The following PARD6G variants were observed in gnomAD, a reference collection of about 807,000 sequenced individuals.
PARD6G encodes the protein partitioning defective 6 homolog gamma.
Under a neutral mutation model 10.7 loss-of-function variants are expected in PARD6G, and 7 were observed. The ratio of observed to expected loss-of-function variants is 0.66; its 90% CI spans 0.37 to 1.23. The LOEUF (loss-of-function observed/expected upper bound fraction) is 1.23. Among genes scored for constraint, PARD6G ranks in the 50% most tolerant of loss-of-function variants. The pLI is 0.02. For synonymous variants in PARD6G, 287 were observed against 269.4 expected, an observed-to-expected ratio of 1.07 and a Z score of -0.64; for missense variants, 548 against 571.8, an observed-to-expected ratio of 0.96 and a Z score of 0.42.
chr18:80,198,118 G>C (rs1423707404), intron 2 of PARD6G, among the ~76,000 whole-genome samples: 1 of 152,198 alleles, frequency 6.6e-6, no homozygotes, highest in Non-Finnish European at 1.5e-5. Context: ...ATGCCATGTA[G>C]TCGTTGAGAG....
chr18:80,179,135 C>T (rs1264278471), intron 2 of PARD6G, among the ~76,000 whole-genome samples: 3 of 152,190 alleles, frequency 2.0e-5, no homozygotes, highest in South Asian at 2.1e-4. Context: ...CTGGTGAGCA[C>T]CAGAAGCCGG....
At position 80,157,456 on chromosome 18, in the gene PARD6G, A is replaced by C. The variant is rs1286940321; in HGVS notation, c.*2315T>G. 6.6e-6 allele frequency: 1 copy of C among 152,238 alleles called. No homozygotes were observed. Among genetic ancestry groups the C allele is most frequent in the Non-Finnish European group, 1.5e-5 (1 of 68,042 alleles). The allele number at this position is 152,238 out of a possible 1,614,324, so 9.4% of individuals were successfully genotyped here. On this transcript the variant is annotated 3_prime_UTR_variant, in exon 3 of 3. Transcript: ENST00000353265. Reference sequence around the variant, plus strand: ...AGCCTCATTTCTTAAAAAAAAACTCACATTTGCTTAACAACTTAAAATGTG... The same window carrying C: ...AGCCTCATTTCTTAAAAAAAAACTCCCATTTGCTTAACAACTTAAAATGTG...
At position 80,180,072 on chromosome 18, in the gene PARD6G, G is replaced by T. The variant is rs554573754; in HGVS notation, c.296-19466C>A. On this transcript the variant is annotated intron_variant, in intron 2 of 2. Coordinates refer to ENST00000353265, the MANE Select transcript of PARD6G (RefSeq NM_032510.4). The surrounding 1 kb of genome is among the most constrained non-coding windows in gnomAD (Gnocchi z 5.6). Reference sequence around the variant, plus strand: ...CGAAAGTTCAGTGGTCTGCAGAGAGGAGAGGAAAGGGGAAGCTGAATGTCC... The same window carrying T: ...CGAAAGTTCAGTGGTCTGCAGAGAGTAGAGGAAAGGGGAAGCTGAATGTCC... Among the ~76,000 whole-genome samples the T allele has an allele frequency of 6.6e-6, 1 of 152,244 alleles. No homozygotes were observed. Among genetic ancestry groups the T allele is most frequent in the Non-Finnish European group, 1.5e-5 (1 of 68,042 alleles).
intron 1 of PARD6G, among the ~76,000 whole-genome samples, chr18:80,203,929 C>CGACAT (rs1468431623): frequency 2.0e-5 from 3 of 152,116 alleles, no homozygotes; most frequent in African/African-American, 4.8e-5. Context: ...TTCCTAAAGG[C>CGACAT]GACATGTACA....
At chr18:80,177,506 G>GCACACATGCATACGTGCA (rs2052820612) in intron 2 of PARD6G, among the ~76,000 whole-genome samples, 1 of 135,674 alleles carries the variant, frequency 7.4e-6, no homozygotes, top group African/African-American at 2.8e-5. Context: ...CAAATGGGAA[G>GCACACATGCATACGTGCA]CACACATGCA....
At chr18:80,163,941 A>G (rs991466269) in intron 2 of PARD6G, among the ~76,000 whole-genome samples, 1 of 152,228 alleles carries the variant, frequency 6.6e-6, no homozygotes, top group Non-Finnish European at 1.5e-5. Context: ...GCAACATGGC[A>G]GCAGCTCCTT....
rs144090350 is a variant in PARD6G at position 80,181,690 on chromosome 18, A to T, written c.295+21020T>A. 1.3e-3 allele frequency among the ~76,000 whole-genome samples: 200 copies of T among 151,962 alleles called. 1 individual carries two copies. The highest frequency in any genetic ancestry group is 4.6e-3 in the African/African-American group (189 of 41,414). On this transcript the variant is annotated intron_variant, in intron 2 of 2. Coordinates refer to ENST00000353265, the MANE Select transcript of PARD6G (RefSeq NM_032510.4). The surrounding 1 kb of genome is among the most constrained non-coding windows in gnomAD (Gnocchi z 7.9). ...GGGGAAGAGCTTCTCTCTGCTGCCA[A>T]CCTGGAGCCTGGCCCTTCCCTCCTT... is the stretch of plus-strand genomic sequence containing the variant.
intron 1 of PARD6G, among the ~76,000 whole-genome samples, chr18:80,232,483 T>G (rs1011601131): frequency 1.3e-5 from 2 of 152,118 alleles, no homozygotes; most frequent in Non-Finnish European, 2.9e-5. Context: ...TGAAAGGCAC[T>G]TCTTACATGG....
At chr18:80,243,054 G>A (rs1478732415) in intron 1 of PARD6G, among the ~76,000 whole-genome samples, 1 of 152,072 alleles carries the variant, frequency 6.6e-6, no homozygotes, top group Admixed American at 6.5e-5. Context: ...TCACTTCCAG[G>A]AATTTGTTCT....
intron 2 of PARD6G, among the ~76,000 whole-genome samples, chr18:80,195,544 GATACATATATAT>G (rs1259033812): frequency 1.3e-4 from 3 of 23,686 alleles, no homozygotes; most frequent in African/African-American, 1.8e-4. Flanking sequence ...AGTCTTCAAA[GATACATATATAT>G]ATATATATAT....
Position 80,180,736 on chromosome 18 carries a change from G to A in PARD6G, c.296-20130C>T, listed in dbSNP as rs1327616082. Among the ~76,000 whole-genome samples, 2 of 152,080 alleles carry A rather than the reference G, an allele frequency of 1.3e-5. No homozygotes were observed. Among genetic ancestry groups the A allele is most frequent in the African/African-American group, 2.4e-5 (1 of 41,416 alleles). On this transcript the variant is annotated intron_variant, in intron 2 of 2. Coordinates refer to ENST00000353265, the MANE Select transcript of PARD6G (RefSeq NM_032510.4). The surrounding 1 kb of genome is among the most constrained non-coding windows in gnomAD (Gnocchi z 5.6). ...CTCATACAAGCTTTGTCAGGGGGCC[G>A]GACGTCCACCTGCAGGCCCAGCCCT...
At position 80,200,261 on chromosome 18, in the gene PARD6G, CT is replaced by C. The variant is rs1393253118; in HGVS notation, c.295+2448del. ...GATTATGAAACATCAGCACAGATTACTATGCAGGGAGGGTGCCTGACTGTGC... is the reference window on the plus strand; with the variant it reads ...GATTATGAAACATCAGCACAGATTACATGCAGGGAGGGTGCCTGACTGTGC... On this transcript the variant is annotated intron_variant, in intron 2 of 2. Coordinates refer to ENST00000353265, the MANE Select transcript of PARD6G (RefSeq NM_032510.4). The surrounding 1 kb of genome is among the most constrained non-coding windows in gnomAD (Gnocchi z 4.4). Among the ~76,000 whole-genome samples the C allele has an allele frequency of 3.3e-5, 5 of 152,290 alleles. No individual in the cohort carries two copies. Among genetic ancestry groups the C allele is most frequent in the East Asian group, 1.9e-4 (1 of 5,180 alleles).
chr18:80,164,398 T>C (rs1289492692), intron 2 of PARD6G, among the ~76,000 whole-genome samples: 1 of 152,214 alleles, frequency 6.6e-6, no homozygotes, highest in African/African-American at 2.4e-5. Context: ...GTTGCCTCTG[T>C]GATGTGCTCT....
rs1345386238 is a variant in PARD6G, at chr18:80,159,460, C to CAA, written c.*309_*310dup. 7.0e-6 allele frequency: 2 copies of CAA among 287,308 alleles called. No individual in the cohort carries two copies. Among genetic ancestry groups the CAA allele is most frequent in the Non-Finnish European group, 1.3e-5 (2 of 157,852 alleles). The allele number at this position is 287,308 out of a possible 1,614,324, so 17.8% of individuals were successfully genotyped here. On this transcript the variant is annotated 3_prime_UTR_variant, in exon 3 of 3. Coordinates refer to ENST00000353265, the MANE Select transcript of PARD6G (RefSeq NM_032510.4). ...TAATTTTAAAGCTTCACTTTAAAAACAAAGTATTTGTAAAAATTTTAAAAA... is the reference window on the plus strand; with the variant it reads ...TAATTTTAAAGCTTCACTTTAAAAACAAAAAGTATTTGTAAAAATTTTAAAAA...
At chr18:80,218,185 C>T (rs1403797468) in intron 1 of PARD6G, among the ~76,000 whole-genome samples, 1 of 152,070 alleles carries the variant, frequency 6.6e-6, no homozygotes, top group Non-Finnish European at 1.5e-5. Context: ...TCCAACAGTC[C>T]CCCAAAGTCT....
chr18:80,160,204 G>C lies in PARD6G; in HGVS notation c.698C>G (p.Thr233Arg). 6.2e-7 allele frequency: 1 copy of C among 1,613,228 alleles called. No individual in the cohort carries two copies. Among genetic ancestry groups the C allele is most frequent in the Non-Finnish European group, 8.5e-7 (1 of 1,179,844 alleles). The change falls in exon 3 of 3, where the codon ACG becomes AGG. Residue 233 changes from threonine (T) to arginine (R), a missense_variant. Transcript: ENST00000353265. ...GTGGCTGTTGGCGATCATCATGTCC[G>C]TGACCTGGTCCAGCGTCTTCCCGGC... ...EVAGKTLDQV[T>R]DMMIANSHNL...
Position 80,200,597 on chromosome 18 carries a change from G to A in PARD6G, c.295+2113C>T, listed in dbSNP as rs1391316402. Among the ~76,000 whole-genome samples the A allele has an allele frequency of 6.6e-6, 1 of 152,206 alleles. No individual in the cohort carries two copies. Among genetic ancestry groups the A allele is most frequent in the Non-Finnish European group, 1.5e-5 (1 of 68,032 alleles). On this transcript the variant is annotated intron_variant, in intron 2 of 2. Coordinates refer to ENST00000353265, the MANE Select transcript of PARD6G (RefSeq NM_032510.4). This position sits in a 1 kb window ranked among gnomAD's most constrained non-coding sequence, Gnocchi z 4.4. The stretch of plus-strand genomic sequence containing the variant: ...TCCACACTGTAACATGACAGAGGAA[G>A]GCAGGGGCTGCTGGCGACACGCTCA...
chr18:80,228,696 C>T lies in PARD6G; in HGVS notation c.72+18581G>A, dbSNP rs1967324588. ...CCCTGCCCACAGACTGCGCCTCCCA[C>T]CTAAGGCCCTTCTCCACCAAAGACC... is the stretch of plus-strand genomic sequence containing the variant. On this transcript the variant is annotated intron_variant, in intron 1 of 2. Transcript: ENST00000353265. The surrounding 1 kb of genome is among the most constrained non-coding windows in gnomAD (Gnocchi z 4.6). 6.6e-6 allele frequency among the ~76,000 whole-genome samples: 1 copy of T among 151,974 alleles called. No individual in the cohort carries two copies. Among genetic ancestry groups the T allele is most frequent in the Admixed American group, 6.6e-5 (1 of 15,266 alleles).
chr18:80,232,319 G>A (rs1209655385), intron 1 of PARD6G, among the ~76,000 whole-genome samples: 1 of 152,126 alleles, frequency 6.6e-6, no homozygotes, highest in African/African-American at 2.4e-5. Context: ...TGGATGAGGT[G>A]GCCAGGCCTG....
Sources: gnomAD v4.1 joint callset for allele counts (sites outside exome capture counted in the v4.1 genomes callset) on GRCh38, gnomAD v4.1.1 for gene constraint, Gnocchi (gnomAD v3.1) non-coding constraint, MANE v1.5 for transcripts, NCBI Gene and HGNC (gene_info 2026-07-23, HGNC 2026-07-21) for gene names.